Variants in RBM33 observed in about 807,000 individuals in gnomAD.
RBM33 encodes the protein RNA binding motif protein 33, also known as RNA-binding protein 33.
In RBM33, 28 loss-of-function variants were observed where a neutral mutation model predicts 132.6. That is an observed-to-expected ratio of 0.21 (90% CI 0.16 to 0.29). RBM33 has a LOEUF of 0.29. Ranked by LOEUF, RBM33 falls within the 10% of genes least tolerant of loss-of-function variation. The pLI is 1.00. For missense variants in RBM33, 1,291 were observed against 1,518.5 expected, an observed-to-expected ratio of 0.85 and a Z score of 2.49; for synonymous variants, 634 against 593.0, an observed-to-expected ratio of 1.07 and a Z score of -1.01.
intron 5 of RBM33, among the ~76,000 whole-genome samples, chr7:155,689,353 T>A (rs1485802942): frequency 2.0e-5 from 3 of 152,166 alleles, no homozygotes; most frequent in Non-Finnish European, 4.4e-5. Flanking sequence ...TCTATTTGAT[T>A]CTTCTCTCTT....
chr7:155,764,884 G>C (rs545176701), intron 15 of RBM33, among the ~76,000 whole-genome samples: 10 of 152,228 alleles, frequency 6.6e-5, no homozygotes, highest in Admixed American at 1.3e-4. Context: ...AAGTTACTTC[G>C]TCTTATCTCA....
At chr7:155,679,590 A>G (rs1269205423) in intron 4 of RBM33, among the ~76,000 whole-genome samples, 1 of 152,264 alleles carries the variant, frequency 6.6e-6, no homozygotes, top group Non-Finnish European at 1.5e-5. Context: ...TGTAATTAAC[A>G]AATATATGCC....
intron 16 of RBM33, among the ~76,000 whole-genome samples, chr7:155,770,210 A>G (rs1802372238): frequency 1.3e-5 from 2 of 152,216 alleles, no homozygotes. Flanking sequence ...TAATAGATGA[A>G]AACTTGAAAT....
rs370683007 is a variant in RBM33 at position 155,745,419 on chromosome 7, G to A, written c.2796G>A (p.Pro932=). ...SQTQPLHKVL[P]IKPADVEEPA... ...CTCAGCCGCTGCATAAAGTGCTCCCGATCAAACCTGCAGATGTGGAGGAGC... is the reference window on the plus strand; with the variant it reads ...CTCAGCCGCTGCATAAAGTGCTCCCAATCAAACCTGCAGATGTGGAGGAGC... Residue 932 remains proline (P), a synonymous_variant, in exon 14 of 18, where the codon CCG becomes CCA. Transcript: ENST00000401878. This position sits in a 1 kb window ranked among gnomAD's most constrained non-coding sequence, Gnocchi z 4.1. 17 of 1,613,644 alleles carry A rather than the reference G, an allele frequency of 1.1e-5. No individual in the cohort carries two copies. In the African/African-American group the frequency reaches 1.1e-4, roughly 10 times the overall value.
intron 16 of RBM33, among the ~76,000 whole-genome samples, chr7:155,770,058 G>A (rs1802365942): frequency 6.6e-6 from 1 of 152,200 alleles, no homozygotes; most frequent in Admixed American, 6.5e-5. Flanking sequence ...GGAGTGAAAA[G>A]GGAAAAGGAG....
chr7:155,646,155 T>C (rs1039191216), intron 1 of RBM33, among the ~76,000 whole-genome samples: 3 of 152,206 alleles, frequency 2.0e-5, no homozygotes, highest in African/African-American at 7.2e-5. Context: ...TAAGGTGTTA[T>C]TTGTATTTTT....
chr7:155,701,112 T>G (rs1007409524), intron 6 of RBM33, 168 bp downstream of exon 6: 1 of 620,566 alleles, frequency 1.6e-6, no homozygotes. Context: ...ACTGTAAAAC[T>G]CATTCTTTAA....
chr7:155,678,612 A>T lies in RBM33; in HGVS notation c.176A>T (p.Gln59Leu). The T allele has an allele frequency of 1.3e-6, 2 of 1,551,784 alleles. No homozygotes were observed. The highest frequency in any genetic ancestry group is 1.8e-6 in the Non-Finnish European group (2 of 1,139,638). Residue 59 changes from glutamine to leucine, a missense_variant, in exon 4 of 18, where the codon CAG becomes CTG. Gln to Leu is a moderately radical substitution (Grantham distance 113). Coordinates refer to ENST00000401878, the MANE Select transcript of RBM33 (RefSeq NM_053043.3). ...TATATTTCTTATTTTAATTAGAATC[A>T]GTCGGATTTGTCAGATGAAGAGCTA... ...GEDLLSGKKN[Q>L]SDLSDEELND... is the part of the protein sequence containing the mutation.
chr7:155,726,552 G>T (rs925856151), intron 9 of RBM33, among the ~76,000 whole-genome samples: 7 of 152,324 alleles, frequency 4.6e-5, no homozygotes, highest in Admixed American at 3.9e-4. Context: ...ACTTATTTGA[G>T]AGGATTAAAG....
chr7:155,658,905 C>T (rs1463907234), intron 1 of RBM33, among the ~76,000 whole-genome samples: 7 of 152,216 alleles, frequency 4.6e-5, no homozygotes, highest in Admixed American at 4.6e-4. Flanking sequence ...TTTCATCCCC[C>T]TCTGCTGAAG....
rs780547846 is a variant in RBM33, at chr7:155,673,942, T to TGTTTTTTGTTTTTG, written c.171+1027_171+1028insGTTTTTTGTTTTTG. On this transcript the variant is annotated intron_variant, in intron 3 of 17. Transcript: ENST00000401878. ...ATTATCAAGATAGTTTAGGCTTAGT[T>TGTTTTTTGTTTTTG]TTTTTTTTTTTTTTTTTTTTTTTTT... is the stretch of plus-strand genomic sequence containing the variant. Among the ~76,000 whole-genome samples, 8 of 31,426 alleles carry TGTTTTTTGTTTTTG rather than the reference T, an allele frequency of 2.5e-4. 1 individual carries two copies. The highest frequency in any genetic ancestry group is 2.5e-4 in the African/African-American group (3 of 12,014). The allele number at this position is 31,426 out of a possible 152,430, so 20.6% of individuals were successfully genotyped here.
chr7:155,711,469 T>C lies in RBM33; in HGVS notation c.1201+14T>C, dbSNP rs1452126283. The C allele has an allele frequency of 3.6e-6, 5 of 1,403,066 alleles. No individual in the cohort carries two copies. Among genetic ancestry groups the C allele is most frequent in the East Asian group, 5.7e-5 (2 of 35,180 alleles). 86.9% of individuals were successfully genotyped at this position (1,403,066 alleles called of 1,614,324 possible). On this transcript the variant is annotated intron_variant, in intron 8 of 17. Coordinates refer to ENST00000401878, the MANE Select transcript of RBM33 (RefSeq NM_053043.3). The stretch of plus-strand genomic sequence containing the variant: ...CGCCTGTTCAAGGTCTGTGTTTCCT[T>C]TTACTATTGTAAAGCATAGATGGCC...
Position 155,680,577 on chromosome 7 carries a change from TCG to T in RBM33, c.249-12_249-11del, listed in dbSNP as rs1310414661. ...CATTGGGTGCTTTTTTTTTTTATTT[TCG>T]TCCTCTCTAGTTCTCAGGGTGTTAC... On this transcript the variant is annotated splice_polypyrimidine_tract_variant and intron_variant, in intron 4 of 17. Coordinates refer to ENST00000401878, the MANE Select transcript of RBM33 (RefSeq NM_053043.3). The T allele has an allele frequency of 1.3e-6, 2 of 1,526,382 alleles. No individual in the cohort carries two copies. Among genetic ancestry groups the T allele is most frequent in the East Asian group, 2.3e-5 (1 of 43,394 alleles). The allele number at this position is 1,526,382 out of a possible 1,614,324, so 94.6% of individuals were successfully genotyped here.
At chr7:155,723,832 T>C (rs1800697061) in intron 9 of RBM33, among the ~76,000 whole-genome samples, 1 of 152,246 alleles carries the variant, frequency 6.6e-6, no homozygotes, top group Admixed American at 6.5e-5. Context: ...TGATAAACTA[T>C]AGTTGTCCCT....
intron 15 of RBM33, 43 bp downstream of exon 15, chr7:155,764,061 C>A: frequency 7.0e-7 from 1 of 1,437,030 alleles, no homozygotes; most frequent in Non-Finnish European, 9.3e-7. Flanking sequence ...AACGCGAAGG[C>A]CGGTGTGAGG....
intron 1 of RBM33, among the ~76,000 whole-genome samples, chr7:155,651,732 TTA>T (rs1798361789): frequency 6.6e-6 from 1 of 152,160 alleles, no homozygotes. Flanking sequence ...GAGCAAGCCT[TTA>T]TAACTTCCAT....
intron 15 of RBM33, among the ~76,000 whole-genome samples, chr7:155,764,270 G>A (rs755516359): frequency 2.0e-5 from 3 of 152,164 alleles, no homozygotes; most frequent in Non-Finnish European, 4.4e-5. Context: ...GCTTCCTGCC[G>A]CTCTGAACTG....
intron 2 of RBM33, among the ~76,000 whole-genome samples, chr7:155,669,955 C>T (rs1387686585): frequency 6.6e-6 from 1 of 152,166 alleles, no homozygotes; most frequent in Admixed American, 6.5e-5. Flanking sequence ...CTGGAGGACG[C>T]AATCCAGCCA....
chr7:155,769,979 G>T (rs912358325), intron 16 of RBM33, among the ~76,000 whole-genome samples: 19 of 152,186 alleles, frequency 1.2e-4, no homozygotes, highest in Non-Finnish European at 2.8e-4. Context: ...AGAGACCTGT[G>T]TGAGAACACA....
Sources: gnomAD v4.1 joint callset for allele counts (sites outside exome capture counted in the v4.1 genomes callset) on GRCh38, gnomAD v4.1.1 for gene constraint, Gnocchi (gnomAD v3.1) non-coding constraint, MANE v1.5 for transcripts, NCBI Gene and HGNC (gene_info 2026-07-23, HGNC 2026-07-21) for gene names.